The following C2orf74 variants were observed in gnomAD, a reference collection of about 807,000 sequenced individuals.
C2orf74 encodes the protein uncharacterized protein C2orf74.
Under a neutral mutation model 17.9 loss-of-function variants are expected in C2orf74, and 14 were observed. The observed-to-expected ratio is 0.78, with a 90% CI of 0.52 to 1.22. The LOEUF (loss-of-function observed/expected upper bound fraction) is 1.22, where lower values mean the gene tolerates loss of function less well. C2orf74 is among the 50% of genes most tolerant of loss of function. The probability of loss-of-function intolerance (pLI) is 0.00; values close to 1 mark genes in which losing one functional copy is unlikely to be tolerated. For synonymous variants in C2orf74, 79 were observed against 72.6 expected, an observed-to-expected ratio of 1.09 and a Z score of -0.44; for missense variants, 217 against 218.4, an observed-to-expected ratio of 0.99 and a Z score of 0.04.
chr2:61,155,496 A>G (rs1449941338), intron 1 of C2orf74, among the ~76,000 whole-genome samples: 1 of 144,116 alleles, frequency 6.9e-6, no homozygotes, highest in African/African-American at 2.6e-5. Context: ...TTATAAAGAA[A>G]TCAAGGCTTT....
At chr2:61,148,236 G>T (rs1419334390) in intron 1 of C2orf74, among the ~76,000 whole-genome samples, 2 of 150,708 alleles carry the variant, frequency 1.3e-5, no homozygotes, top group Non-Finnish European at 3.0e-5. Flanking sequence ...GCCCAAGCTG[G>T]AGTGCAATGG....
chr2:61,152,335 A>G (rs1441648951), intron 1 of C2orf74, among the ~76,000 whole-genome samples: 1 of 148,750 alleles, frequency 6.7e-6, no homozygotes, highest in Non-Finnish European at 1.5e-5. Context: ...AGGTCAGGAG[A>G]TCGAGACCAT....
intron 1 of C2orf74, among the ~76,000 whole-genome samples, chr2:61,145,780 C>T (rs1460429062): frequency 1.3e-5 from 2 of 152,158 alleles, no homozygotes; most frequent in Non-Finnish European, 2.9e-5. Context: ...ACTACAGCCT[C>T]CACTTCCCAA....
At position 61,162,602 on chromosome 2, in the gene C2orf74, T is replaced by G. The variant is rs1729674; in HGVS notation, c.88T>G (p.Tyr30Asp). 654,300 of 1,520,270 alleles carry G rather than the reference T, an allele frequency of 0.43. 143,318 individuals are homozygous for G. Among genetic ancestry groups the G allele is most frequent in the Middle Eastern group, 0.52 (3,060 of 5,930 alleles). The allele number at this position is 1,520,270 out of a possible 1,614,324, so 94.2% of individuals were successfully genotyped here. A position where few individuals can be genotyped will look rare whatever the true frequency, so the allele number is the denominator to read the frequency against. ...CCTCCTCTTATTGGTGGTTTTTTTA[T>G]ATAAATGGTATAAATCCATGCTGAT... ...CILLLLVVFLYKCFQGRKGKE... is the reference protein window; with the variant it reads ...CILLLLVVFLDKCFQGRKGKE... The change falls in exon 2 of 5, where the codon TAT becomes GAT. Residue 30 changes from tyrosine to aspartate, a missense_variant. By Grantham distance (160) the Tyr-to-Asp change is radical. Transcript: ENST00000432605.
upstream of C2orf74, chr2:61,159,485 G>A (rs1685499231): frequency 1.7e-5 from 3 of 174,408 alleles, no homozygotes; most frequent in Admixed American, 1.2e-4. Flanking sequence ...TAGTTGAGAC[G>A]GGGTTTCGCC....
At chr2:61,162,345 A>G in intron 1 of C2orf74, 25 bp downstream of exon 1, 1 of 616,428 alleles carries the variant, frequency 1.6e-6, no homozygotes, top group East Asian at 2.8e-5. Flanking sequence ...CAACAAGCAG[A>G]GCATCTTTCA....
intron 1 of C2orf74, chr2:61,152,199 G>C (rs1360253587): frequency 6.6e-6 from 1 of 152,288 alleles, no homozygotes; most frequent in African/African-American, 2.4e-5. Flanking sequence ...TTTTGGAGTG[G>C]ACTCTCTCCT....
At chr2:61,149,064 C>G (rs1437018347) in intron 1 of C2orf74, among the ~76,000 whole-genome samples, 1 of 152,172 alleles carries the variant, frequency 6.6e-6, no homozygotes, top group Admixed American at 6.5e-5. Context: ...GTCTAACCTC[C>G]TGGTACAAAC....
intron 1 of C2orf74, among the ~76,000 whole-genome samples, chr2:61,153,382 G>T (rs1453064693): frequency 1.3e-5 from 2 of 151,060 alleles, no homozygotes; most frequent in Non-Finnish European, 2.9e-5. Context: ...CTGGGTTCAT[G>T]CCATTCTCCT....
In C2orf74 at chr2:61,162,263, C is replaced by T; in HGVS notation, c.-157C>T. The T allele has an allele frequency of 5.7e-6, 3 of 521,790 alleles. No individual in the cohort carries two copies. In the South Asian group the frequency reaches 8.0e-5, roughly 14 times the overall value. 32.3% of individuals were successfully genotyped at this position (521,790 alleles called of 1,614,324 possible). A position where few individuals can be genotyped will look rare whatever the true frequency, so the allele number is the denominator to read the frequency against. Reference sequence around the variant, plus strand: ...CTGCGTGATCACACATGTCCCAGCTCAGTCTCCCCTCTGGCCACCTCAGCC... The same window carrying T: ...CTGCGTGATCACACATGTCCCAGCTTAGTCTCCCCTCTGGCCACCTCAGCC... On this transcript the variant is annotated 5_prime_UTR_variant, in exon 1 of 5. Coordinates refer to ENST00000432605, the MANE Select transcript of C2orf74 (RefSeq NM_001143959.4).
At chr2:61,152,740 CGGT>C (rs1481188200) in intron 1 of C2orf74, among the ~76,000 whole-genome samples, 1 of 149,308 alleles carries the variant, frequency 6.7e-6, no homozygotes, top group African/African-American at 2.5e-5. Context: ...CCCAGCTACT[CGGT>C]AGGCTGAGGC....
rs1041205603 is a variant in C2orf74, at chr2:61,163,347, G to A, written c.390+115G>A. ...ATGGAGGACCGGGCGGGTGGCTCACGCCTGTAATCCCAGCATTTTGGGAGG... is the reference window on the plus strand; with the variant it reads ...ATGGAGGACCGGGCGGGTGGCTCACACCTGTAATCCCAGCATTTTGGGAGG... On this transcript the variant is annotated intron_variant, in intron 4 of 4. Coordinates refer to ENST00000432605, the MANE Select transcript of C2orf74 (RefSeq NM_001143959.4). 113 of 1,142,008 alleles carry A rather than the reference G, an allele frequency of 9.9e-5. 1 individual carries two copies. In the East Asian group the frequency reaches 2.3e-3, roughly 23 times the overall value. 70.7% of individuals were successfully genotyped at this position (1,142,008 alleles called of 1,614,324 possible). A position where few individuals can be genotyped will look rare whatever the true frequency, so the allele number is the denominator to read the frequency against.
intron 1 of C2orf74, among the ~76,000 whole-genome samples, chr2:61,153,900 A>AAAAG (rs146388137): frequency 0.42 from 62,010 of 149,206 alleles, 13,053 homozygotes; most frequent in Middle Eastern, 0.51. Flanking sequence ...AAAAAAAAGA[A>AAAAG]AAAGAAAGAA....
intron 1 of C2orf74, among the ~76,000 whole-genome samples, chr2:61,153,292 A>T (rs1293874208): frequency 1.3e-5 from 2 of 151,836 alleles, no homozygotes; most frequent in Admixed American, 1.3e-4. Context: ...TTATTTATTT[A>T]TTTTTTGAGA....
upstream of C2orf74, among the ~76,000 whole-genome samples, chr2:61,158,170 C>T (rs1312865971): frequency 6.6e-6 from 1 of 152,168 alleles, no homozygotes; most frequent in Non-Finnish European, 1.5e-5. Flanking sequence ...CCCAGACTGT[C>T]TTACTTTAAC....
In C2orf74 at chr2:61,153,447, AT is replaced by A. The variant is rs779498931; in HGVS notation, c.-122+8259del. On this transcript the variant is annotated intron_variant, in intron 1 of 3. Transcript: ENST00000426997. ...AGGCGCCCACCACTACGCCTAGCTA[AT>A]TTTTTTTGTATTTTTAGTAGAGACT... Among the ~76,000 whole-genome samples the A allele has an allele frequency of 3.3e-5, 5 of 150,664 alleles. No homozygotes were observed. In the East Asian group the frequency reaches 6.1e-4, roughly 18 times the overall value.
At chr2:61,153,027 C>G (rs534125418) in intron 1 of C2orf74, among the ~76,000 whole-genome samples, 3 of 151,162 alleles carry the variant, frequency 2.0e-5, no homozygotes, top group Admixed American at 1.3e-4. Context: ...TAGTGCATGC[C>G]TGTAATCCCA....
At chr2:61,163,600 C>CAA (rs1292976977) in intron 4 of C2orf74, among the ~76,000 whole-genome samples, 2 of 141,556 alleles carry the variant, frequency 1.4e-5, no homozygotes, top group Admixed American at 7.0e-5. Context: ...GACTCCATCT[C>CAA]AAAAAAAAAT....
intron 4 of C2orf74, 92 bp from the exon 5 acceptor site, chr2:61,164,262 C>T: frequency 1.9e-6 from 2 of 1,027,244 alleles, no homozygotes; most frequent in Admixed American, 7.2e-5. Context: ...TTTTCTGTTT[C>T]TCGTTAAGTG....
Sources: gnomAD v4.1 joint callset for allele counts (sites outside exome capture counted in the v4.1 genomes callset) on GRCh38, gnomAD v4.1.1 for gene constraint, MANE v1.5 for transcripts, NCBI Gene and HGNC (gene_info 2026-07-23, HGNC 2026-07-21) for gene names.